The following GPR39 variants were observed in gnomAD, a reference collection of about 807,000 sequenced individuals.
The protein encoded by GPR39 is zinc sensing receptor.
GPR39 carries 23 observed loss-of-function variants against 18.4 expected under a neutral mutation model. The observed-to-expected ratio is 1.25, with a 90% CI of 0.90 to 1.77. The LOEUF is 1.77. Ranked by LOEUF, GPR39 falls within the 40% of genes most tolerant of loss-of-function variation. The probability of loss-of-function intolerance (pLI) is 0.00; values close to 1 mark genes in which losing one functional copy is unlikely to be tolerated. For missense variants in GPR39, 647 were observed against 602.4 expected (o/e 1.07, Z -0.78); for synonymous variants, 280 against 257.9 (o/e 1.09, Z -0.82).
In GPR39 at chr2:132,614,548, G is replaced by A. The variant is rs143153230; in HGVS notation, c.857-30553G>A. On this transcript the variant is annotated intron_variant, in intron 1 of 1. Transcript: ENST00000329321. ...GCCACCGCACCCAGCCAGCCAAGGAGCTTTCTTTTAAAAGTCTCTTGAGAT... is the reference window on the plus strand; with the variant it reads ...GCCACCGCACCCAGCCAGCCAAGGAACTTTCTTTTAAAAGTCTCTTGAGAT... Among the ~76,000 whole-genome samples the A allele has an allele frequency of 1.7e-3, 257 of 150,760 alleles. 1 individual carries two copies. Among genetic ancestry groups the A allele is most frequent in the Admixed American group, 8.2e-3 (125 of 15,196 alleles).
At chr2:132,629,016 G>T (rs533356447) in intron 1 of GPR39, among the ~76,000 whole-genome samples, 1 of 152,242 alleles carries the variant, frequency 6.6e-6, no homozygotes, top group African/African-American at 2.4e-5. Context: ...TATCTGGGAG[G>T]TTCTAAAAAG....
At chr2:132,592,235 G>A (rs1467635560) in intron 1 of GPR39, among the ~76,000 whole-genome samples, 1 of 152,136 alleles carries the variant, frequency 6.6e-6, no homozygotes, top group Non-Finnish European at 1.5e-5. Context: ...ATCAAACATG[G>A]GAGTGAAACT....
chr2:132,448,602 A>G (rs1198614035), intron 1 of GPR39, among the ~76,000 whole-genome samples: 3 of 152,146 alleles, frequency 2.0e-5, no homozygotes, highest in African/African-American at 7.2e-5. Flanking sequence ...GTGAGTTTCC[A>G]TGTTCCCTTG....
intron 1 of GPR39, among the ~76,000 whole-genome samples, chr2:132,513,324 G>A (rs1480427580): frequency 1.3e-5 from 2 of 152,122 alleles, no homozygotes; most frequent in East Asian, 1.9e-4. Flanking sequence ...TTAGCCGGGC[G>A]AGGTGGCGGG....
At position 132,581,218 on chromosome 2, in the gene GPR39, A is replaced by G. The variant is rs901352402; in HGVS notation, c.857-63883A>G. ...TTTGTTAAATCATTTTGATTTAACC[A>G]GGAAACCAGAGCAAGAAAGGCTAGT... On this transcript the variant is annotated intron_variant, in intron 1 of 1. Coordinates refer to ENST00000329321, the MANE Select transcript of GPR39 (RefSeq NM_001508.3). 2.0e-5 allele frequency among the ~76,000 whole-genome samples: 3 copies of G among 152,122 alleles called. No individual in the cohort carries two copies. The East Asian group carries it at 5.8e-4, about 29-fold the overall frequency.
chr2:132,446,319 C>T (rs925814032), intron 1 of GPR39, among the ~76,000 whole-genome samples: 4 of 152,182 alleles, frequency 2.6e-5, no homozygotes, highest in East Asian at 1.9e-4. Context: ...AAATGGTCTC[C>T]ACCTTCCATT....
intron 1 of GPR39, among the ~76,000 whole-genome samples, chr2:132,451,147 C>CTG (rs34508615): frequency 0.051 from 5,357 of 105,908 alleles, 210 homozygotes; most frequent in Admixed American, 0.11. Flanking sequence ...ATCTTTGAGG[C>CTG]TGTGTGTGTG....
At chr2:132,633,394 A>C (rs1455918109) in intron 1 of GPR39, among the ~76,000 whole-genome samples, 1 of 146,980 alleles carries the variant, frequency 6.8e-6, no homozygotes, top group Non-Finnish European at 1.5e-5. Context: ...TGTAGGAGTT[A>C]AGGCCTTAGG....
intron 1 of GPR39, among the ~76,000 whole-genome samples, chr2:132,557,134 C>A (rs1383016778): frequency 6.6e-6 from 1 of 152,082 alleles, no homozygotes; most frequent in Non-Finnish European, 1.5e-5. Flanking sequence ...GCCTGGCCAA[C>A]ATGGTGAAAC....
chr2:132,498,937 G>C (rs1476693916), intron 1 of GPR39, among the ~76,000 whole-genome samples: 1 of 152,000 alleles, frequency 6.6e-6, no homozygotes, highest in Non-Finnish European at 1.5e-5. Flanking sequence ...ACTGATTTGA[G>C]TTCTCTATAG....
chr2:132,603,720 G>A (rs1324610016), intron 1 of GPR39, among the ~76,000 whole-genome samples: 2 of 152,146 alleles, frequency 1.3e-5, no homozygotes, highest in Non-Finnish European at 2.9e-5. Context: ...GTGCGTGTGC[G>A]AAATGGGTTA....
chr2:132,445,917 A>T (rs560584596), intron 1 of GPR39, among the ~76,000 whole-genome samples: 9 of 152,202 alleles, frequency 5.9e-5, no homozygotes, highest in Admixed American at 5.9e-4. Context: ...CTTGTCTGGC[A>T]TAGCCCACTA....
chr2:132,600,420 G>A (rs1681017836), intron 1 of GPR39, among the ~76,000 whole-genome samples: 1 of 151,922 alleles, frequency 6.6e-6, no homozygotes, highest in Non-Finnish European at 1.5e-5. Flanking sequence ...AAACAAAATA[G>A]AGGAAAAAAT....
intron 1 of GPR39, among the ~76,000 whole-genome samples, chr2:132,483,826 A>C (rs1179430234): frequency 1.3e-5 from 2 of 152,104 alleles, no homozygotes; most frequent in African/African-American, 2.4e-5. Flanking sequence ...AGCAGGTCCT[A>C]CTAAAAAAAA....
chr2:132,633,229 G>A (rs1473116954), intron 1 of GPR39, among the ~76,000 whole-genome samples: 1 of 152,038 alleles, frequency 6.6e-6, no homozygotes, highest in East Asian at 1.9e-4. Flanking sequence ...CTAGTCCTTG[G>A]GGGATTTGCA....
intron 1 of GPR39, among the ~76,000 whole-genome samples, chr2:132,596,234 G>A (rs1166535488): frequency 6.6e-6 from 1 of 152,124 alleles, no homozygotes; most frequent in African/African-American, 2.4e-5. Context: ...GGAACAGGTT[G>A]CATGTGTTTG....
intron 1 of GPR39, among the ~76,000 whole-genome samples, chr2:132,469,532 G>A (rs183376958): frequency 1.4e-4 from 22 of 152,226 alleles, no homozygotes; most frequent in African/African-American, 4.8e-4. Context: ...GAGAGACTGA[G>A]GCCTGAGCGT....
At chr2:132,565,729 CTCA>C (rs1442427444) in intron 1 of GPR39, among the ~76,000 whole-genome samples, 1 of 145,172 alleles carries the variant, frequency 6.9e-6, no homozygotes, top group African/African-American at 2.6e-5. Context: ...AGGACATGAA[CTCA>C]TCATTTTTTA....
intron 1 of GPR39, among the ~76,000 whole-genome samples, chr2:132,633,192 C>T (rs1304545180): frequency 2.6e-5 from 4 of 152,282 alleles, no homozygotes; most frequent in Admixed American, 6.5e-5. Flanking sequence ...CATGTGAGCA[C>T]AGGGAGTTGG....
Sources: gnomAD v4.1 joint callset for allele counts (sites outside exome capture counted in the v4.1 genomes callset) on GRCh38, gnomAD v4.1.1 for gene constraint, MANE v1.5 for transcripts, NCBI Gene and HGNC (gene_info 2026-07-23, HGNC 2026-07-21) for gene names.